The following CCN6 variants were observed in gnomAD, a reference collection of about 807,000 sequenced individuals.
The protein encoded by CCN6 is cellular communication network factor 6, also known as CCN family member 6.
Under a neutral mutation model 37.4 loss-of-function variants are expected in CCN6, and 31 were observed. That is an observed-to-expected ratio of 0.83 (90% CI 0.62 to 1.12). CCN6 has a LOEUF of 1.12. Ranked by LOEUF, CCN6 falls within the 50% of genes most tolerant of loss-of-function variation. The pLI, the probability that CCN6 is intolerant of heterozygous loss-of-function variation, is 0.00. For missense variants in CCN6, 369 were observed against 413.8 expected (o/e 0.89, Z 0.94); for synonymous variants, 137 against 142.1 (o/e 0.96, Z 0.26).
At chr6:112,057,084 A>T (rs139103846) in intron 1 of CCN6, among the ~76,000 whole-genome samples, 374 of 152,340 alleles carry the variant, frequency 2.5e-3, no homozygotes, top group Non-Finnish European at 4.1e-3. Flanking sequence ...TTAAAGAGGC[A>T]TCCGGGGGCA....
Position 112,061,000 on chromosome 6 carries a change from A to T in CCN6, c.58A>T (p.Arg20Trp), listed in dbSNP as rs946970193. ...TTATTATCAAATGAAGTTCTGCTGCAGGGTACAGGGCACTGGACCATTAGA... is the reference window on the plus strand; with the variant it reads ...TTATTATCAAATGAAGTTCTGCTGCTGGGTACAGGGCACTGGACCATTAGA... Reference protein sequence around the residue: ...LLAGLAQFCCRVQGTGPLDTT... With the variant: ...LLAGLAQFCCWVQGTGPLDTT... Residue 20 changes from arginine (R) to tryptophan (W), a missense_variant, in exon 2 of 5, where the codon AGG becomes TGG. By Grantham distance (101) the Arg-to-Trp change is moderately radical (BLOSUM62 -3). Transcript: ENST00000368666. The T allele has an allele frequency of 1.9e-6, 3 of 1,614,142 alleles. No homozygotes were observed. Among genetic ancestry groups the T allele is most frequent in the Non-Finnish European group, 2.5e-6 (3 of 1,180,028 alleles).
chr6:112,065,058 TTACGTATCATAGG>T, intron 3 of CCN6, 61 bp downstream of exon 3: 1 of 1,609,758 alleles, frequency 6.2e-7, no homozygotes, highest in Non-Finnish European at 8.5e-7. Flanking sequence ...CATGTTCCTT[TTACGTATCATAGG>T]TACTCAGTAA....
At chr6:112,061,757 TCAG>T (rs1189072694) in intron 2 of CCN6, among the ~76,000 whole-genome samples, 1 of 152,208 alleles carries the variant, frequency 6.6e-6, no homozygotes, top group African/African-American at 2.4e-5. Flanking sequence ...GCTTTTTACT[TCAG>T]CAGATTTGTA....
intron 1 of CCN6, among the ~76,000 whole-genome samples, chr6:112,058,955 C>A (rs919383974): frequency 1.3e-5 from 2 of 152,116 alleles, no homozygotes; most frequent in Non-Finnish European, 2.9e-5. Flanking sequence ...GGGGAGGGTA[C>A]TTGTAGAACC....
At chr6:112,065,180 TATA>T (rs1466458683) in intron 3 of CCN6, among the ~76,000 whole-genome samples, 183 bp downstream of exon 3, 19 of 152,230 alleles carry the variant, frequency 1.2e-4, no homozygotes, top group African/African-American at 3.9e-4. Flanking sequence ...AAGGAAATTT[TATA>T]ATGTTTTAGA....
upstream of CCN6, among the ~76,000 whole-genome samples, chr6:112,053,897 G>C (rs1358506473): frequency 6.6e-6 from 1 of 152,030 alleles, no homozygotes; most frequent in Non-Finnish European, 1.5e-5. Context: ...TGTACGTGAG[G>C]GTGAAGCTGG....
chr6:112,063,666 GTCACAGTTGTTT>G (rs1776593718), intron 2 of CCN6, among the ~76,000 whole-genome samples: 3 of 152,162 alleles, frequency 2.0e-5, no homozygotes, highest in Admixed American at 2.0e-4. Context: ...AAAAAATGCT[GTCACAGTTGTTT>G]TCCTTGAAGT....
rs782164623 is a variant in CCN6, at chr6:112,064,994, C to CCACAAAA, written c.588_589insCAAAACA (p.Ala197GlnfsTer5). ...GCTTTCAACAAGCTACAAAACAATGCCAGGTGCTCAGAAGTAGAGCTATTT... is the reference window on the plus strand; with the variant it reads ...GCTTTCAACAAGCTACAAAACAATGCCACAAAACAGGTGCTCAGAAGTAGAGCTATTT... On this transcript the variant is annotated frameshift_variant, in exon 3 of 5. Transcript: ENST00000368666. LOFTEE classifies it high-confidence loss of function. 1 of 1,613,892 alleles carries CCACAAAA rather than the reference C, an allele frequency of 6.2e-7. No homozygotes were observed. Among genetic ancestry groups the CCACAAAA allele is most frequent in the Non-Finnish European group, 8.5e-7 (1 of 1,179,874 alleles).
Position 112,056,858 on chromosome 6 carries a change from G to T in CCN6, c.48+2453G>T, listed in dbSNP as rs587627522. 6.7e-5 allele frequency among the ~76,000 whole-genome samples: 10 copies of T among 150,104 alleles called. No individual in the cohort carries two copies. The South Asian group carries it at 1.5e-3, about 22-fold the overall frequency. On this transcript the variant is annotated intron_variant, in intron 1 of 4. Coordinates refer to ENST00000368666, the MANE Select transcript of CCN6 (RefSeq NM_198239.2). The stretch of plus-strand genomic sequence containing the variant: ...CCATATAATTCTGGGTTGACAGGTT[G>T]TTTTTTTTTCCTTTCAACATTGTCT...
chr6:112,065,215 A>G (rs1776644531), intron 3 of CCN6, among the ~76,000 whole-genome samples: 1 of 152,226 alleles, frequency 6.6e-6, no homozygotes, highest in Non-Finnish European at 1.5e-5. Context: ...AAACATTTAA[A>G]AACATTTTTA....
chr6:112,064,625 A>G, intron 2 of CCN6, 130 bp from the exon 3 acceptor site: 1 of 1,427,306 alleles, frequency 7.0e-7, no homozygotes, highest in South Asian at 1.2e-5. Context: ...GAGGTTCCAA[A>G]TGGAACCTAA....
intron 1 of CCN6, among the ~76,000 whole-genome samples, chr6:112,057,707 C>T (rs1160269125): frequency 9.2e-5 from 14 of 152,150 alleles, no homozygotes; most frequent in Admixed American, 9.2e-4. Context: ...AGTTTTGAAA[C>T]TTGCATAGGA....
At chr6:112,055,644 G>A (rs1367586529) in intron 1 of CCN6, among the ~76,000 whole-genome samples, 1 of 152,050 alleles carries the variant, frequency 6.6e-6, no homozygotes, top group Non-Finnish European at 1.5e-5. Context: ...AGGCTGGAGT[G>A]CAGTGGTGCA....
upstream of CCN6, among the ~76,000 whole-genome samples, chr6:112,053,865 T>TGGGG (rs376487825): frequency 3.9e-5 from 4 of 102,772 alleles, no homozygotes; most frequent in Non-Finnish European, 8.4e-5. Flanking sequence ...GTGCTGTTGG[T>TGGGG]GGGGGGGCCA....
upstream of CCN6, among the ~76,000 whole-genome samples, chr6:112,053,871 G>C (rs1164657254): frequency 2.7e-5 from 4 of 148,068 alleles, no homozygotes; most frequent in Non-Finnish European, 6.0e-5. Context: ...TTGGTGGGGG[G>C]GCCAGGCCTG....
chr6:112,062,079 C>T (rs1776541864), intron 2 of CCN6, among the ~76,000 whole-genome samples: 1 of 152,002 alleles, frequency 6.6e-6, no homozygotes. Context: ...TAGCCTGATG[C>T]CCCTGCCAGC....
chr6:112,057,977 G>A (rs983929420), intron 1 of CCN6, among the ~76,000 whole-genome samples: 27 of 152,166 alleles, frequency 1.8e-4, no homozygotes, highest in Admixed American at 1.6e-3. Context: ...GAGGGTTCAC[G>A]GATGTGAGAC....
At position 112,054,132 on chromosome 6, in the gene CCN6, A is replaced by C. The variant is rs1486086003; in HGVS notation, c.-226A>C. 4.4e-5 allele frequency: 32 copies of C among 725,972 alleles called. No homozygotes were observed. The highest frequency in any genetic ancestry group is 6.8e-5 in the Non-Finnish European group (27 of 397,054). 45.0% of individuals were successfully genotyped at this position (725,972 alleles called of 1,614,324 possible). ...CCTGACCTGTGACACGCTCACTGCG[A>C]AGGCAGGTTATTAGAAGAGTCCCAT... is the stretch of plus-strand genomic sequence containing the variant. On this transcript the variant is annotated 5_prime_UTR_variant, in exon 1 of 5. Transcript: ENST00000368666.
upstream of CCN6, among the ~76,000 whole-genome samples, chr6:112,053,267 G>A (rs1176579401): frequency 6.6e-6 from 1 of 151,090 alleles, no homozygotes; most frequent in Non-Finnish European, 1.5e-5. Context: ...TGAAGAAGAG[G>A]AGTACAAACC....
Sources: allele counts gnomAD v4.1 joint callset (sites outside exome capture counted in the v4.1 genomes callset), GRCh38; gene constraint gnomAD v4.1.1; transcripts MANE v1.5; gene names NCBI Gene and HGNC (gene_info 2026-07-23, HGNC 2026-07-21).